DYNC2I1: variants seen among roughly 807,000 people sequenced by gnomAD.
DYNC2I1 encodes the protein cytoplasmic dynein 2 intermediate chain 1.
Under a neutral mutation model 133.4 loss-of-function variants are expected in DYNC2I1, and 89 were observed. The ratio of observed to expected loss-of-function variants is 0.67; its 90% CI spans 0.56 to 0.80. DYNC2I1 has a LOEUF of 0.80. DYNC2I1 is among the 30% of genes least tolerant of loss of function. DYNC2I1 has a pLI of 0.00. For missense variants in DYNC2I1, 1,291 were observed against 1,314.5 expected (o/e 0.98, Z 0.28); for synonymous variants, 504 against 484.3 (o/e 1.04, Z -0.54).
chr7:158,886,062 A>T (rs1353956405), intron 6 of DYNC2I1, among the ~76,000 whole-genome samples: 1 of 148,968 alleles, frequency 6.7e-6, no homozygotes, highest in Non-Finnish European at 1.5e-5. Context: ...TATTTTATAT[A>T]TATCTTTTAT....
At chr7:158,856,508 C>T (rs1841236158), upstream of DYNC2I1, 3 of 404,576 alleles carry the variant, frequency 7.4e-6, no homozygotes, top group Non-Finnish European at 1.3e-5. Flanking sequence ...CGGCCTTCCC[C>T]TGCTCCTGCC....
In DYNC2I1 at chr7:158,940,599, C is replaced by T. The variant is rs118182305; in HGVS notation, c.2779-1326C>T. Among the ~76,000 whole-genome samples, 34 of 152,202 alleles carry T rather than the reference C, an allele frequency of 2.2e-4. No individual in the cohort carries two copies. In the East Asian group the frequency reaches 2.7e-3, roughly 12 times the overall value. ...ACCATATCTTAGGCCCCAGACAAGT[C>T]GTACAAATTCAGAAGAATAGAAATC... On this transcript the variant is annotated intron_variant, in intron 23 of 24. Coordinates refer to ENST00000407559, the MANE Select transcript of DYNC2I1 (RefSeq NM_018051.5).
At chr7:158,863,819 TTG>T (rs1842133632) in intron 1 of DYNC2I1, among the ~76,000 whole-genome samples, 1 of 63,474 alleles carries the variant, frequency 1.6e-5, no homozygotes, top group Non-Finnish European at 3.0e-5. Flanking sequence ...CTCTGGGTGT[TTG>T]GTGGGGAGCC....
intron 20 of DYNC2I1, among the ~76,000 whole-genome samples, chr7:158,927,442 A>C (rs1849739213): frequency 6.6e-6 from 1 of 152,054 alleles, no homozygotes; most frequent in Admixed American, 6.5e-5. Flanking sequence ...AACTGCTTTG[A>C]AAAATATAAA....
intron 15 of DYNC2I1, among the ~76,000 whole-genome samples, chr7:158,919,391 A>G (rs925275363): frequency 2.0e-5 from 3 of 152,274 alleles, no homozygotes; most frequent in African/African-American, 7.2e-5. Context: ...AACAGAAAGT[A>G]CAGTTGCATG....
chr7:158,955,221 G>A (rs546372795), intron 4 of DYNC2I1, among the ~76,000 whole-genome samples: 5 of 152,308 alleles, frequency 3.3e-5, no homozygotes, highest in Non-Finnish European at 7.3e-5. Context: ...TGTTCATGCC[G>A]TCTCTGCCCA....
rs368651864 is a variant in DYNC2I1, at chr7:158,884,568, G to A, written c.884G>A (p.Gly295Asp). ...GATTATATTTTTGTTTGATAGAATG[G>A]TGAACACAGAAATCGAGGTGCAAGC... ...DEPRKRESQN[G>D]EHRNRGASSK... The change falls in exon 6 of 25, where the codon GGT (glycine) becomes GAT (aspartate). Residue 295 changes from glycine (G) to aspartate (D), a missense_variant. Physicochemically the swap from Gly to Asp is moderately conservative, Grantham distance 94. Transcript: ENST00000407559. The A allele has an allele frequency of 1.3e-5, 21 of 1,611,064 alleles. No homozygotes were observed. In the African/African-American group the frequency reaches 1.6e-4, roughly 12 times the overall value.
At chr7:158,851,607 C>T (rs1841062281), upstream of DYNC2I1, among the ~76,000 whole-genome samples, 1 of 152,170 alleles carries the variant, frequency 6.6e-6, no homozygotes, top group South Asian at 2.1e-4. Flanking sequence ...GTTCTTGCTG[C>T]ACTTTATGCA....
intron 5 of DYNC2I1, among the ~76,000 whole-genome samples, chr7:158,880,621 A>G (rs1843904085): frequency 6.6e-6 from 1 of 152,200 alleles, no homozygotes; most frequent in South Asian, 2.1e-4. Flanking sequence ...TTTAAAGTGG[A>G]AATTAAGTGA....
downstream of DYNC2I1, among the ~76,000 whole-genome samples, chr7:158,948,721 A>G (rs956948933): frequency 6.6e-6 from 1 of 152,110 alleles, no homozygotes; most frequent in Non-Finnish European, 1.5e-5. Context: ...CACACCCCCC[A>G]CAATTATTTA....
upstream of DYNC2I1, chr7:158,856,484 G>T (rs1007350293): frequency 4.9e-5 from 19 of 386,250 alleles, no homozygotes; most frequent in Non-Finnish European, 7.3e-5. Flanking sequence ...CGGGCACGCC[G>T]AGCAGCGACC....
At chr7:158,947,897 G>A (rs1851937648), downstream of DYNC2I1, among the ~76,000 whole-genome samples, 1 of 152,248 alleles carries the variant, frequency 6.6e-6, no homozygotes, top group African/African-American at 2.4e-5. Flanking sequence ...TGCAGCTTCT[G>A]CTCCATGATG....
rs1288825630 is a variant in DYNC2I1 at position 158,945,170 on chromosome 7, G to GGT, written c.3003-409_3003-408dup. Among the ~76,000 whole-genome samples the GGT allele has an allele frequency of 1.3e-5, 2 of 152,116 alleles. No individual in the cohort carries two copies. Among genetic ancestry groups the GGT allele is most frequent in the African/African-American group, 4.8e-5 (2 of 41,420 alleles). On this transcript the variant is annotated intron_variant, in intron 24 of 24. Transcript: ENST00000407559. The surrounding 1 kb of genome is among the most constrained non-coding windows in gnomAD (Gnocchi z 4.1). ...GGAGTGGAGGGGTCCGGGGCTCCAG[G>GGT]GTGAGTCCGGGCTGGAGACGCAGAC...
intron 14 of DYNC2I1, 92 bp downstream of exon 14, chr7:158,914,413 C>A: frequency 2.1e-6 from 2 of 967,230 alleles, no homozygotes; most frequent in Non-Finnish European, 3.0e-6. Flanking sequence ...ATCTTAAAGT[C>A]TTTGTAGCTT....
At chr7:158,890,479 G>A (rs944443879) in intron 7 of DYNC2I1, among the ~76,000 whole-genome samples, 1 of 152,110 alleles carries the variant, frequency 6.6e-6, no homozygotes, top group Non-Finnish European at 1.5e-5. Flanking sequence ...TTTATGGAGT[G>A]CCTGCTATGT....
At chr7:158,849,789 G>C in the DYNC2I1 span, among the ~76,000 whole-genome samples, 1 of 152,196 alleles carries the variant, frequency 6.6e-6, no homozygotes, top group Admixed American at 6.5e-5. Context: ...GCTGTCCTCT[G>C]CCCTGCTCTG....
intron 4 of DYNC2I1, among the ~76,000 whole-genome samples, chr7:158,951,391 C>T (rs1852047908): frequency 6.6e-6 from 1 of 152,200 alleles, no homozygotes; most frequent in African/African-American, 2.4e-5. Flanking sequence ...TCTCAAAGGA[C>T]AAGTGGGAGT....
intron 10 of DYNC2I1, chr7:158,903,480 G>A (rs1311908305): frequency 1.3e-5 from 2 of 152,202 alleles, no homozygotes; most frequent in African/African-American, 4.8e-5. Context: ...TTAATATGAT[G>A]CACTAATACA....
intron 3 of DYNC2I1, among the ~76,000 whole-genome samples, chr7:158,875,320 C>T (rs1843254326): frequency 6.6e-6 from 1 of 152,062 alleles, no homozygotes; most frequent in South Asian, 2.1e-4. Context: ...ATCTTGAACT[C>T]CTGACTTCGT....
Sources: gnomAD v4.1 joint callset for allele counts (sites outside exome capture counted in the v4.1 genomes callset) on GRCh38, gnomAD v4.1.1 for gene constraint, Gnocchi (gnomAD v3.1) non-coding constraint, MANE v1.5 for transcripts, NCBI Gene and HGNC (gene_info 2026-07-23, HGNC 2026-07-21) for gene names.